The following SPAG16 variants were observed in gnomAD, a reference collection of about 807,000 sequenced individuals.
The protein encoded by SPAG16 is sperm associated antigen 16, also known as sperm-associated antigen 16 protein.
In SPAG16, 86 loss-of-function variants were observed where a neutral mutation model predicts 80.4. The ratio of observed to expected loss-of-function variants is 1.07; its 90% CI spans 0.90 to 1.28. SPAG16 has a LOEUF of 1.28. Ranked by LOEUF, SPAG16 falls within the 50% of genes most tolerant of loss-of-function variation. The pLI is 0.00. For missense variants in SPAG16, 870 were observed against 765.3 expected (o/e 1.14, Z -1.61); for synonymous variants, 294 against 265.9 (o/e 1.11, Z -1.03).
At chr2:213,756,297 G>A (rs563278157) in intron 10 of SPAG16, among the ~76,000 whole-genome samples, 3 of 152,134 alleles carry the variant, frequency 2.0e-5, no homozygotes, top group South Asian at 2.1e-4. Flanking sequence ...CCTGGCCAAC[G>A]TGGTAAAACC....
chr2:213,935,295 A>G lies in SPAG16; in HGVS notation c.1400+5150A>G, dbSNP rs528296730. Among the ~76,000 whole-genome samples, 153 of 152,022 alleles carry G rather than the reference A, an allele frequency of 1.0e-3. 1 individual carries two copies. Among genetic ancestry groups the G allele is most frequent in the African/African-American group, 3.2e-3 (132 of 41,464 alleles). On this transcript the variant is annotated intron_variant, in intron 12 of 15. Coordinates refer to ENST00000331683, the MANE Select transcript of SPAG16 (RefSeq NM_024532.5). The stretch of plus-strand genomic sequence containing the variant: ...AGTATTTTTGCTTGCCTAGTCTACT[A>G]TAGGCACCCATGAATACTTTTCAGG...
intron 10 of SPAG16, among the ~76,000 whole-genome samples, chr2:213,692,749 G>A (rs2064996792): frequency 6.6e-6 from 1 of 151,304 alleles, no homozygotes. Context: ...GGCGGAGCTT[G>A]CAGTGAGCCG....
intron 15 of SPAG16, among the ~76,000 whole-genome samples, chr2:214,210,001 C>A (rs971496098): frequency 1.8e-4 from 28 of 152,032 alleles, no homozygotes; most frequent in African/African-American, 6.0e-4. Context: ...TTTATAACAA[C>A]TCCCAGATAT....
chr2:213,368,245 T>G (rs753704033), intron 8 of SPAG16, among the ~76,000 whole-genome samples: 2,258 of 152,308 alleles, frequency 0.015, 29 homozygotes, highest in South Asian at 0.037. Flanking sequence ...TTGTTCTTTT[T>G]GCTTAGGATT....
intron 10 of SPAG16, among the ~76,000 whole-genome samples, chr2:213,688,915 C>A (rs1044203342): frequency 6.6e-6 from 1 of 152,058 alleles, no homozygotes; most frequent in South Asian, 2.1e-4. Flanking sequence ...CCTATTTAAT[C>A]TTTCCTCTCA....
At chr2:213,985,831 C>T (rs974505658) in intron 12 of SPAG16, among the ~76,000 whole-genome samples, 3 of 152,072 alleles carry the variant, frequency 2.0e-5, no homozygotes, top group South Asian at 2.1e-4. Flanking sequence ...TATTGAAGAC[C>T]GGCCATATCT....
At chr2:214,170,226 G>GTATACACACACACTTAGGTGTGTATACA (rs1207396530) in intron 15 of SPAG16, among the ~76,000 whole-genome samples, 3 of 123,190 alleles carry the variant, frequency 2.4e-5, no homozygotes, top group Admixed American at 8.3e-5. Context: ...GTGTGTATAC[G>GTATACACACACACTTAGGTGTGTATACA]TATACACACA....
intron 10 of SPAG16, among the ~76,000 whole-genome samples, chr2:213,636,751 A>C (rs1470789444): frequency 2.0e-5 from 3 of 152,100 alleles, no homozygotes; most frequent in African/African-American, 7.2e-5. Flanking sequence ...TTTGATTCTC[A>C]GCTTGGTCAC....
At chr2:213,988,876 ACAAGT>A (rs1348352222) in intron 12 of SPAG16, among the ~76,000 whole-genome samples, 2 of 152,104 alleles carry the variant, frequency 1.3e-5, no homozygotes, top group African/African-American at 2.4e-5. Context: ...CCCCAAATTA[ACAAGT>A]AGATTCAATG....
At chr2:213,383,938 A>C (rs2067300192) in intron 9 of SPAG16, among the ~76,000 whole-genome samples, 1 of 152,124 alleles carries the variant, frequency 6.6e-6, no homozygotes, top group Non-Finnish European at 1.5e-5. Flanking sequence ...TTCTAATCTC[A>C]CTTTATGAGA....
At chr2:213,592,276 C>T (rs915436836) in intron 10 of SPAG16, among the ~76,000 whole-genome samples, 1 of 152,062 alleles carries the variant, frequency 6.6e-6, no homozygotes, top group South Asian at 2.1e-4. Flanking sequence ...GTAGATCTAC[C>T]TGCTTTACTC....
At chr2:213,602,197 A>T (rs907697084) in intron 10 of SPAG16, among the ~76,000 whole-genome samples, 1 of 152,226 alleles carries the variant, frequency 6.6e-6, no homozygotes, top group African/African-American at 2.4e-5. Flanking sequence ...AGGCTGTATC[A>T]TCTGGCTTTG....
intron 10 of SPAG16, among the ~76,000 whole-genome samples, chr2:213,801,928 T>C (rs547358693): frequency 6.6e-6 from 1 of 152,296 alleles, no homozygotes; most frequent in Admixed American, 6.5e-5. Context: ...ATGAAACACT[T>C]TATAAACGCC....
chr2:213,621,340 A>G (rs552231906), intron 10 of SPAG16, among the ~76,000 whole-genome samples: 1 of 152,318 alleles, frequency 6.6e-6, no homozygotes, highest in Non-Finnish European at 1.5e-5. Context: ...GAATATACTC[A>G]TGAAAAGATA....
In SPAG16 at chr2:214,410,189, T is replaced by A. The variant is rs772295910; in HGVS notation, c.1770T>A (p.Asp590Glu). ...ASGNGVIHLL[D>E]LKSGEIHKLM... ...GCAATGGTGTTATCCATTTGCTAGA[T>A]CTTAAATCTGGGGAGATTCACAAAT... Residue 590 changes from aspartate to glutamate, a missense_variant, in exon 16 of 16, where the codon GAT becomes GAA. By Grantham distance (45) the Asp-to-Glu change is conservative. Coordinates refer to ENST00000331683, the MANE Select transcript of SPAG16 (RefSeq NM_024532.5). 4.3e-6 allele frequency: 7 copies of A among 1,613,786 alleles called. No homozygotes were observed. The Admixed American group carries it at 1.0e-4, about 23-fold the overall frequency.
At chr2:214,380,941 G>A (rs866053358) in intron 15 of SPAG16, among the ~76,000 whole-genome samples, 3 of 152,194 alleles carry the variant, frequency 2.0e-5, no homozygotes, top group African/African-American at 7.2e-5. Context: ...GGTCCAATTT[G>A]CTACTGAATC....
intron 15 of SPAG16, among the ~76,000 whole-genome samples, chr2:214,324,681 TAGAA>T (rs1361063143): frequency 1.3e-5 from 2 of 151,498 alleles, no homozygotes; most frequent in Non-Finnish European, 2.9e-5. Context: ...GGAAAAAAAA[TAGAA>T]AGAAAAATGT....
chr2:213,693,012 T>C (rs1414422501), intron 10 of SPAG16, among the ~76,000 whole-genome samples: 3 of 152,218 alleles, frequency 2.0e-5, no homozygotes, highest in African/African-American at 7.2e-5. Context: ...ATAACTGGAA[T>C]CTTTATTACA....
At chr2:214,059,621 C>T (rs2050150703) in intron 13 of SPAG16, among the ~76,000 whole-genome samples, 1 of 152,070 alleles carries the variant, frequency 6.6e-6, no homozygotes, top group South Asian at 2.1e-4. Context: ...TGATGGTCCT[C>T]ATTCATTTTA....
Sources: allele counts gnomAD v4.1 joint callset (sites outside exome capture counted in the v4.1 genomes callset), GRCh38; gene constraint gnomAD v4.1.1; transcripts MANE v1.5; gene names NCBI Gene and HGNC (gene_info 2026-07-23, HGNC 2026-07-21).